SEMA4D: variants seen among roughly 807,000 people sequenced by gnomAD.
SEMA4D encodes semaphorin-4D.
In SEMA4D, 22 loss-of-function variants were observed where a neutral mutation model predicts 74.8. That is an observed-to-expected ratio of 0.29 (90% CI 0.21 to 0.42). SEMA4D has a LOEUF of 0.42. Ranked by LOEUF, SEMA4D falls within the 10% of genes least tolerant of loss-of-function variation. SEMA4D has a pLI of 1.00. For missense variants in SEMA4D, 937 were observed against 1,118.4 expected, an observed-to-expected ratio of 0.84 and a Z score of 2.31; for synonymous variants, 445 against 463.7, an observed-to-expected ratio of 0.96 and a Z score of 0.52.
At chr9:89,371,774 G>A (rs1419448398) in intron 16 of SEMA4D, among the ~76,000 whole-genome samples, 2 of 78,278 alleles carry the variant, frequency 2.6e-5, no homozygotes, top group African/African-American at 5.3e-5. Flanking sequence ...GGGGGGTGTG[G>A]TGTGTGTCGG....
At chr9:89,450,444 T>G (rs1287919946) in intron 2 of SEMA4D, 3 of 1,396,724 alleles carry the variant, frequency 2.1e-6, no homozygotes, top group African/African-American at 1.4e-5. Flanking sequence ...TGTGGTGGAG[T>G]GCGCCAAACA....
At chr9:89,407,688 G>A (rs1239298785) in intron 2 of SEMA4D, among the ~76,000 whole-genome samples, 2 of 152,126 alleles carry the variant, frequency 1.3e-5, no homozygotes. Context: ...ATCATGGCCA[G>A]CAAGGCCATG....
intron 2 of SEMA4D, among the ~76,000 whole-genome samples, chr9:89,443,841 G>A (rs1056127848): frequency 3.9e-5 from 6 of 152,232 alleles, no homozygotes; most frequent in African/African-American, 7.2e-5. Flanking sequence ...CAGAAGATGG[G>A]GCACAGAGAG....
intron 2 of SEMA4D, chr9:89,418,393 C>A (rs1460798260): frequency 2.0e-6 from 2 of 985,306 alleles, no homozygotes; most frequent in Non-Finnish European, 2.4e-6. Context: ...CAGGACCCGA[C>A]CAGGTGTACT....
At chr9:89,474,363 GA>G (rs1861240696) in intron 1 of SEMA4D, among the ~76,000 whole-genome samples, 2 of 127,586 alleles carry the variant, frequency 1.6e-5, no homozygotes, top group South Asian at 4.8e-4. Flanking sequence ...ATCCAAATAA[GA>G]ACATCACAAA....
chr9:89,430,537 G>A (rs1280569399), intron 2 of SEMA4D, among the ~76,000 whole-genome samples: 2 of 152,224 alleles, frequency 1.3e-5, no homozygotes, highest in Non-Finnish European at 2.9e-5. Flanking sequence ...AGTTACTGGG[G>A]AGGGGGAAAC....
chr9:89,368,409 TC>T, intron 16 of SEMA4D: 1 of 153,208 alleles, frequency 6.5e-6, no homozygotes, highest in Non-Finnish European at 1.5e-5. Context: ...TCCCACTGCT[TC>T]CCTGGCCCAT....
intron 2 of SEMA4D, among the ~76,000 whole-genome samples, chr9:89,435,663 A>G (rs1206687707): frequency 6.6e-6 from 1 of 152,132 alleles, no homozygotes; most frequent in Non-Finnish European, 1.5e-5. Context: ...GATCCTGAAC[A>G]TCAGCCACAC....
At chr9:89,371,352 T>TG (rs201346355) in intron 16 of SEMA4D, among the ~76,000 whole-genome samples, 2 of 94,228 alleles carry the variant, frequency 2.1e-5, no homozygotes, top group African/African-American at 8.6e-5. Flanking sequence ...GTGGTGTGTG[T>TG]TGGGGTGTGT....
chr9:89,421,821 G>A (rs1245266381), intron 2 of SEMA4D, among the ~76,000 whole-genome samples: 1 of 152,186 alleles, frequency 6.6e-6, no homozygotes, highest in African/African-American at 2.4e-5. Context: ...GTGTGTGGGT[G>A]TGCACACAGG....
rs1564832883 is a variant in SEMA4D, at chr9:89,450,659, G to GAAAAAAAAAAAAAAAAAAAA, written c.-244+5228_-244+5229insTTTTTTTTTTTTTTTTTTTT. ...AGAGTTCTGCAAGTCGAAAAACCCAGGAAAAAAAAAAAAAAAAAAAAAAAA... is the reference window on the plus strand; with the variant it reads ...AGAGTTCTGCAAGTCGAAAAACCCAGAAAAAAAAAAAAAAAAAAAAGAAAAAAAAAAAAAAAAAAAAAAAA... On this transcript the variant is annotated intron_variant, in intron 2 of 15. Transcript: ENST00000422704. 5.3e-4 allele frequency: 223 copies of GAAAAAAAAAAAAAAAAAAAA among 421,182 alleles called. 46 individuals carry two copies. The highest frequency in any genetic ancestry group is 6.6e-4 in the Non-Finnish European group (169 of 254,330). 26.1% of individuals were successfully genotyped at this position (421,182 alleles called of 1,614,324 possible).
rs548023148 is a variant in SEMA4D, at chr9:89,435,584, GC to G, written c.-244+20303del. 1.4e-3 allele frequency among the ~76,000 whole-genome samples: 218 copies of G among 152,242 alleles called. 1 individual carries two copies. Among genetic ancestry groups the G allele is most frequent in the African/African-American group, 5.1e-3 (213 of 41,542 alleles). ...ACACCTGGACCATACTAGACACAGT[GC>G]CGGGCATGTACTTTGATTTACAGAA... On this transcript the variant is annotated intron_variant, in intron 2 of 15. Transcript: ENST00000422704.
At chr9:89,441,062 C>G (rs1333648984) in intron 2 of SEMA4D, among the ~76,000 whole-genome samples, 1 of 152,264 alleles carries the variant, frequency 6.6e-6, no homozygotes, top group East Asian at 1.9e-4. Flanking sequence ...AGCCACTCTC[C>G]TGGGCAAGCT....
intron 13 of SEMA4D, chr9:89,385,817 C>A (rs936249162): frequency 7.5e-6 from 6 of 798,374 alleles, no homozygotes; most frequent in Non-Finnish European, 9.1e-6. Context: ...TTGGAGGTCC[C>A]GTTAGGAGCC....
intron 1 of SEMA4D, chr9:89,497,498 G>C (rs1162900027): frequency 4.0e-5 from 6 of 151,890 alleles, no homozygotes; most frequent in Non-Finnish European, 1.5e-5. Flanking sequence ...TGGCGGGGCC[G>C]GACTGGGCGG....
intron 13 of SEMA4D, chr9:89,385,201 G>A: frequency 1.1e-6 from 1 of 936,274 alleles, no homozygotes; most frequent in Non-Finnish European, 1.3e-6. Context: ...TTGAGGATCA[G>A]TGCCCATGTG....
chr9:89,364,252 C>G, intron 16 of SEMA4D: 1 of 469,428 alleles, frequency 2.1e-6, no homozygotes, highest in Non-Finnish European at 3.9e-6. Flanking sequence ...TGGTTTCTTA[C>G]AGAATGGTTC....
At chr9:89,466,583 C>A (rs1382788913) in intron 1 of SEMA4D, among the ~76,000 whole-genome samples, 1 of 152,162 alleles carries the variant, frequency 6.6e-6, no homozygotes, top group East Asian at 1.9e-4. Context: ...GAGCACACAG[C>A]CCCCGTGTGC....
intron 15 of SEMA4D, among the ~76,000 whole-genome samples, chr9:89,379,850 G>A (rs1238205815): frequency 6.6e-6 from 1 of 152,178 alleles, no homozygotes; most frequent in Non-Finnish European, 1.5e-5. Context: ...GCTCTGAGCA[G>A]CAGAAATCCC....
Sources: gnomAD v4.1 joint callset for allele counts (sites outside exome capture counted in the v4.1 genomes callset) on GRCh38, gnomAD v4.1.1 for gene constraint, MANE v1.5 for transcripts, NCBI Gene and HGNC (gene_info 2026-07-23, HGNC 2026-07-21) for gene names.